The following ATXN8OS variants were observed in gnomAD, a reference collection of about 807,000 sequenced individuals.
The protein encoded by ATXN8OS is ATXN8 opposite strand (non-protein coding).
chr13:70,141,341 C>A (rs1350462746), intron 3 of ATXN8OS, among the ~76,000 whole-genome samples: 5 of 152,184 alleles, frequency 3.3e-5, no homozygotes, highest in African/African-American at 9.6e-5. Context: ...GTGTTCAACT[C>A]ACCCAACTGC....
At chr13:70,146,937 T>G (rs1888794941) in intron 3 of ATXN8OS, among the ~76,000 whole-genome samples, 1 of 152,092 alleles carries the variant, frequency 6.6e-6, no homozygotes, top group Non-Finnish European at 1.5e-5. Flanking sequence ...TTAAAAAAAG[T>G]GTCATAATAT....
intron 2 of ATXN8OS, among the ~76,000 whole-genome samples, chr13:70,120,844 TCTCA>T (rs1888349971): frequency 6.7e-6 from 1 of 148,958 alleles, no homozygotes; most frequent in Non-Finnish European, 1.5e-5. Context: ...CATCACATGT[TCTCA>T]CTCATAGGTG....
chr13:70,168,461 T>C (rs1053375597), intron 4 of ATXN8OS, among the ~76,000 whole-genome samples: 9 of 152,048 alleles, frequency 5.9e-5, no homozygotes, highest in Admixed American at 2.0e-4. Context: ...TTAGAAGTTA[T>C]TCCTTCTATC....
At chr13:70,161,124 G>C (rs546166340) in intron 4 of ATXN8OS, among the ~76,000 whole-genome samples, 2 of 150,812 alleles carry the variant, frequency 1.3e-5, no homozygotes, top group East Asian at 3.9e-4. Context: ...ACTAAATACT[G>C]CAAGATTTAA....
chr13:70,170,879 C>T (rs929014032), exon 5 of ATXN8OS, among the ~76,000 whole-genome samples: 1 of 151,950 alleles, frequency 6.6e-6, no homozygotes, highest in African/African-American at 2.4e-5. Flanking sequence ...GGCCACAAAC[C>T]GGTATAACAT....
chr13:70,157,972 G>A (rs750677897), intron 4 of ATXN8OS, among the ~76,000 whole-genome samples: 3 of 152,174 alleles, frequency 2.0e-5, no homozygotes, highest in Non-Finnish European at 4.4e-5. Flanking sequence ...TGAGCCATGA[G>A]AATCCCATTC....
chr13:70,127,615 C>A (rs78361593), intron 2 of ATXN8OS, among the ~76,000 whole-genome samples: 58 of 151,980 alleles, frequency 3.8e-4, no homozygotes, highest in African/African-American at 1.3e-3. Flanking sequence ...TGCTACCTGC[C>A]CACAACACGT....
intron 2 of ATXN8OS, among the ~76,000 whole-genome samples, chr13:70,117,076 G>A (rs1888289651): frequency 6.6e-6 from 1 of 152,092 alleles, no homozygotes; most frequent in Non-Finnish European, 1.5e-5. Context: ...ACAAAAGAGG[G>A]TATAAACTTG....
chr13:70,112,673 G>T (rs1271653602), intron 1 of ATXN8OS, among the ~76,000 whole-genome samples: 2 of 151,878 alleles, frequency 1.3e-5, no homozygotes, highest in Non-Finnish European at 2.9e-5. Flanking sequence ...TTTAGATCTG[G>T]CAATACATTT....
intron 3 of ATXN8OS, among the ~76,000 whole-genome samples, chr13:70,141,092 G>A (rs1321667524): frequency 6.6e-6 from 1 of 152,062 alleles, no homozygotes; most frequent in Non-Finnish European, 1.5e-5. Flanking sequence ...AGCCTTCTCA[G>A]GCACTGTATT....
At chr13:70,155,403 A>G (rs892536174) in intron 4 of ATXN8OS, among the ~76,000 whole-genome samples, 2 of 152,200 alleles carry the variant, frequency 1.3e-5, no homozygotes, top group African/African-American at 4.8e-5. Flanking sequence ...CATACCCAAT[A>G]TATAGGACAT....
At chr13:70,151,747 G>T (rs1206535810) in intron 4 of ATXN8OS, among the ~76,000 whole-genome samples, 1 of 152,048 alleles carries the variant, frequency 6.6e-6, no homozygotes, top group Non-Finnish European at 1.5e-5. Flanking sequence ...ATTTCAACAA[G>T]AATTTAACTT....
chr13:70,157,051 T>C (rs1328750906), intron 4 of ATXN8OS, among the ~76,000 whole-genome samples: 3 of 152,194 alleles, frequency 2.0e-5, no homozygotes, highest in Admixed American at 2.0e-4. Flanking sequence ...AAAAGAATTG[T>C]CACTTTAATA....
intron 3 of ATXN8OS, among the ~76,000 whole-genome samples, chr13:70,132,326 C>A (rs1412847938): frequency 7.0e-6 from 1 of 142,174 alleles, no homozygotes; most frequent in Non-Finnish European, 1.5e-5. Flanking sequence ...TTTTTTTTGG[C>A]AGCAACATAG....
intron 1 of ATXN8OS, among the ~76,000 whole-genome samples, chr13:70,110,586 C>T (rs564622059): frequency 1.0e-4 from 15 of 150,744 alleles, no homozygotes; most frequent in Admixed American, 6.6e-4. Context: ...GGAGAGACTG[C>T]GAGAGAGGGA....
At chr13:70,168,186 A>G (rs1163938752) in intron 4 of ATXN8OS, among the ~76,000 whole-genome samples, 2 of 152,126 alleles carry the variant, frequency 1.3e-5, no homozygotes, top group African/African-American at 4.8e-5. Flanking sequence ...AAAGGAAAGC[A>G]GTCAGCAGTT....
exon 2 of ATXN8OS, chr13:70,115,149 G>A: frequency 5.0e-6 from 2 of 398,358 alleles, no homozygotes; most frequent in Non-Finnish European, 8.9e-6. Flanking sequence ...AGTTCTGGAG[G>A]CTGGGAAGTT....
intron 1 of ATXN8OS, chr13:70,115,047 TGC>T: frequency 5.3e-6 from 2 of 375,270 alleles, no homozygotes; most frequent in Non-Finnish European, 9.4e-6. Flanking sequence ...TGTGTGTGTG[TGC>T]ATGTGTGGGT....
intron 3 of ATXN8OS, among the ~76,000 whole-genome samples, chr13:70,146,076 A>C (rs1888782155): frequency 7.1e-6 from 1 of 140,272 alleles, no homozygotes; most frequent in Non-Finnish European, 1.6e-5. Context: ...GAAAAAAAAA[A>C]AACAACCCCA....
Sources: allele counts gnomAD v4.1 joint callset (sites outside exome capture counted in the v4.1 genomes callset), GRCh38; gene constraint gnomAD v4.1.1; transcripts MANE v1.5; gene names NCBI Gene and HGNC (gene_info 2026-07-23, HGNC 2026-07-21).